Variants in PLPPR4 observed in about 807,000 individuals in gnomAD.
The protein encoded by PLPPR4 is phospholipid phosphatase related 4, also known as phospholipid phosphatase-related protein type 4.
A neutral mutation model predicts 56.6 loss-of-function variants in PLPPR4; 24 were observed. That is an observed-to-expected ratio of 0.42 (90% CI 0.31 to 0.60). The LOEUF (loss-of-function observed/expected upper bound fraction) is 0.60. Ranked by LOEUF, PLPPR4 falls within the 20% of genes least tolerant of loss-of-function variation. The pLI is 0.13. For missense variants in PLPPR4, 654 were observed against 885.8 expected, an observed-to-expected ratio of 0.74 and a Z score of 3.32; for synonymous variants, 326 against 328.1, an observed-to-expected ratio of 0.99 and a Z score of 0.07.
chr1:99,264,527 A>T lies in PLPPR4; in HGVS notation c.-67A>T. 6.5e-7 allele frequency: 1 copy of T among 1,550,370 alleles called. No homozygotes were observed. The highest frequency in any genetic ancestry group is 8.7e-7 in the Non-Finnish European group (1 of 1,147,372). On this transcript the variant is annotated 5_prime_UTR_variant, in exon 1 of 7. Coordinates refer to ENST00000370185, the MANE Select transcript of PLPPR4 (RefSeq NM_014839.5). ...CCGGGCGCTTGGGGCTGGAGGAGGC[A>T]GCTCGCCTCAGCTGCGCTGTGCACA...
chr1:99,284,585 A>G (rs1234867516), intron 1 of PLPPR4, among the ~76,000 whole-genome samples: 2 of 151,866 alleles, frequency 1.3e-5, no homozygotes, highest in Admixed American at 6.6e-5. Flanking sequence ...CCAGAGAAAA[A>G]AAGATTCTTA....
chr1:99,286,452 G>A (rs1488019762), intron 1 of PLPPR4, among the ~76,000 whole-genome samples: 1 of 152,128 alleles, frequency 6.6e-6, no homozygotes, highest in Admixed American at 6.6e-5. Context: ...ATTTCAGTGG[G>A]AGACTGGGAG....
chr1:99,306,375 G>A lies in PLPPR4; in HGVS notation c.1513G>A (p.Ala505Thr), dbSNP rs530671725. The A allele has an allele frequency of 2.5e-6, 4 of 1,614,170 alleles. No individual in the cohort carries two copies. The East Asian group carries it at 8.9e-5, about 36-fold the overall frequency. Residue 505 changes from alanine to threonine, a missense_variant, in exon 7 of 7, where the codon GCT (alanine) becomes ACT (threonine). This residue lies in a region of PLPPR4 where 468 missense variants were observed against 554.3 expected (regional missense o/e 0.84). Transcript: ENST00000370185. This position sits in a 1 kb window ranked among gnomAD's most constrained non-coding sequence, Gnocchi z 4.0. Reference protein sequence around the residue: ...NISTSPKSSSARAKWLKAAEK... With the variant: ...NISTSPKSSSTRAKWLKAAEK... ...AAGCACCTCCCCCAAAAGCAGCTCT[G>A]CTCGGGCCAAGTGGTTAAAAGCTGC...
At chr1:99,264,450 A>T, upstream of PLPPR4, 1 of 1,490,026 alleles carries the variant, frequency 6.7e-7, no homozygotes, top group South Asian at 1.3e-5. Flanking sequence ...GGGGCGCTGC[A>T]TGCAGCGCGC....
rs1359392660 is a variant in PLPPR4, at chr1:99,264,587, G to A, written c.-7G>A. 15 of 1,550,888 alleles carry A rather than the reference G, an allele frequency of 9.7e-6. No homozygotes were observed. The Admixed American group carries it at 1.2e-4, about 12-fold the overall frequency. ...GGGGAGGACGCAGACCCGGGCAGGC[G>A]GCAGGGATGTCGGCGAAGGAGAGGC... On this transcript the variant is annotated 5_prime_UTR_variant, in exon 1 of 7. Coordinates refer to ENST00000370185, the MANE Select transcript of PLPPR4 (RefSeq NM_014839.5).
chr1:99,266,898 C>T lies in PLPPR4; in HGVS notation c.78+2227C>T, dbSNP rs533815641. ...TCATTTTGAAGCTGGTGAGAATGCACTAAATTTACATCTCCTTCGTAGGAT... is the reference window on the plus strand; with the variant it reads ...TCATTTTGAAGCTGGTGAGAATGCATTAAATTTACATCTCCTTCGTAGGAT... On this transcript the variant is annotated intron_variant, in intron 1 of 6. Transcript: ENST00000370185. 3.9e-5 allele frequency among the ~76,000 whole-genome samples: 6 copies of T among 152,328 alleles called. No individual in the cohort carries two copies. In the South Asian group the frequency reaches 8.3e-4, roughly 21 times the overall value.
chr1:99,276,643 CA>C (rs1368582002), intron 1 of PLPPR4, among the ~76,000 whole-genome samples: 1 of 152,104 alleles, frequency 6.6e-6, no homozygotes, highest in African/African-American at 2.4e-5. Flanking sequence ...AAGATAAACA[CA>C]AAAAATATAA....
chr1:99,269,618 AT>A (rs1422303164), intron 1 of PLPPR4, among the ~76,000 whole-genome samples: 1 of 152,254 alleles, frequency 6.6e-6, no homozygotes, highest in African/African-American at 2.4e-5. Context: ...GCCTAAAAAA[AT>A]ATAAATTCCT....
intron 1 of PLPPR4, among the ~76,000 whole-genome samples, chr1:99,270,044 TGG>T (rs964808948): frequency 3.0e-5 from 4 of 134,930 alleles, no homozygotes; most frequent in Non-Finnish European, 4.8e-5. Context: ...TGTGTGTGTG[TGG>T]CAGGGTCTTG....
intron 1 of PLPPR4, among the ~76,000 whole-genome samples, chr1:99,273,719 T>C (rs946946660): frequency 6.6e-6 from 1 of 152,096 alleles, no homozygotes; most frequent in Non-Finnish European, 1.5e-5. Flanking sequence ...AGAAACAAAA[T>C]GGAATCATCA....
At chr1:99,298,746 G>T (rs1659808336) in intron 3 of PLPPR4, 1 of 588,510 alleles carries the variant, frequency 1.7e-6, no homozygotes, top group African/African-American at 1.9e-5. Flanking sequence ...ACCTTAGCAT[G>T]TTCCAAGTGT....
chr1:99,276,492 G>A (rs1049892893), intron 1 of PLPPR4, among the ~76,000 whole-genome samples: 2 of 151,746 alleles, frequency 1.3e-5, no homozygotes, highest in Admixed American at 6.6e-5. Flanking sequence ...AAACACTGAT[G>A]GTCTTTAATT....
chr1:99,305,474 G>A (rs1179735806), intron 6 of PLPPR4, among the ~76,000 whole-genome samples: 1 of 152,176 alleles, frequency 6.6e-6, no homozygotes, highest in African/African-American at 2.4e-5. Flanking sequence ...AAAGAATGGG[G>A]TTCACATTGC....
At chr1:99,277,765 T>C (rs1428261278) in intron 1 of PLPPR4, among the ~76,000 whole-genome samples, 1 of 152,132 alleles carries the variant, frequency 6.6e-6, no homozygotes, top group Non-Finnish European at 1.5e-5. Context: ...ACTAGATCTT[T>C]TTCAGATATG....
At position 99,308,215 on chromosome 1, in the gene PLPPR4, C is replaced by T. The variant is rs996641608; in HGVS notation, c.*1205C>T. The T allele has an allele frequency of 6.6e-5, 10 of 151,736 alleles. No individual in the cohort carries two copies. Among genetic ancestry groups the T allele is most frequent in the Admixed American group, 2.0e-4 (3 of 15,232 alleles). 9.4% of individuals were successfully genotyped at this position (151,736 alleles called of 1,614,324 possible). On this transcript the variant is annotated 3_prime_UTR_variant, in exon 7 of 7. Coordinates refer to ENST00000370185, the MANE Select transcript of PLPPR4 (RefSeq NM_014839.5). ...GGTTAAGTTTGACTCGTCTCTAAAACGTTTTTGTTAATTGGACACCAAGAG... is the reference window on the plus strand; with the variant it reads ...GGTTAAGTTTGACTCGTCTCTAAAATGTTTTTGTTAATTGGACACCAAGAG...
At chr1:99,273,565 AGACT>A in intron 1 of PLPPR4, among the ~76,000 whole-genome samples, 1 of 152,122 alleles carries the variant, frequency 6.6e-6, no homozygotes, top group African/African-American at 2.4e-5. Flanking sequence ...AGTCCAAAAG[AGACT>A]GATCTTTTAT....
intron 4 of PLPPR4, among the ~76,000 whole-genome samples, chr1:99,300,485 T>A (rs3818466): frequency 0.031 from 4,707 of 152,140 alleles, 139 homozygotes; most frequent in East Asian, 0.15. Flanking sequence ...CTTCATTTTT[T>A]AAAATTTTTA....
chr1:99,298,181 C>T (rs1425998850), intron 3 of PLPPR4, among the ~76,000 whole-genome samples: 3 of 152,072 alleles, frequency 2.0e-5, no homozygotes, highest in Non-Finnish European at 4.4e-5. Context: ...CTGGTCCTCT[C>T]ATAATGATTT....
intron 2 of PLPPR4, among the ~76,000 whole-genome samples, chr1:99,296,457 A>G (rs1020056430): frequency 2.0e-5 from 3 of 152,136 alleles, no homozygotes; most frequent in African/African-American, 4.8e-5. Context: ...CTTCTGCTCA[A>G]TCCCAAATTG....
Sources: allele counts gnomAD v4.1 joint callset (sites outside exome capture counted in the v4.1 genomes callset), GRCh38; gene constraint gnomAD v4.1.1; regional missense constraint gnomAD v4.1.1; non-coding constraint Gnocchi (gnomAD v3.1); transcripts MANE v1.5; gene names NCBI Gene and HGNC (gene_info 2026-07-23, HGNC 2026-07-21).